Variants in ZFHX3 observed in about 807,000 individuals in gnomAD.
ZFHX3 encodes the protein zinc finger homeobox protein 3.
In ZFHX3, 42 loss-of-function variants were observed where a neutral mutation model predicts 279.1. That is an observed-to-expected ratio of 0.15 (90% CI 0.12 to 0.19). ZFHX3 has a LOEUF of 0.19. Ranked by LOEUF, ZFHX3 falls within the 10% of genes least tolerant of loss-of-function variation. ZFHX3 has a pLI of 1.00. For synonymous variants in ZFHX3, 2,293 were observed against 1,957.8 expected (o/e 1.17, Z -4.52); for missense variants, 4,981 against 4,754.0 (o/e 1.05, Z -1.40).
At chr16:73,606,543 C>T (rs796668653) in intron 2 of ZFHX3, among the ~76,000 whole-genome samples, 2 of 150,552 alleles carry the variant, frequency 1.3e-5, no homozygotes, top group Non-Finnish European at 3.0e-5. Flanking sequence ...GTGTATGGAA[C>T]CCCAGCTCAG....
At chr16:73,625,647 C>T (rs1486796429) in intron 2 of ZFHX3, among the ~76,000 whole-genome samples, 4 of 152,196 alleles carry the variant, frequency 2.6e-5, no homozygotes, top group Non-Finnish European at 4.4e-5. Flanking sequence ...AGCCTCATTA[C>T]TTAAAGTACA....
intron 3 of ZFHX3, among the ~76,000 whole-genome samples, chr16:73,375,374 G>C (rs959566998): frequency 3.3e-5 from 5 of 152,010 alleles, no homozygotes; most frequent in African/African-American, 1.2e-4. Context: ...CCTGAGATTT[G>C]AAACTAGCCA....
intron 3 of ZFHX3, among the ~76,000 whole-genome samples, chr16:73,388,594 C>T (rs1439446667): frequency 6.6e-6 from 1 of 152,178 alleles, no homozygotes; most frequent in Non-Finnish European, 1.5e-5. Context: ...AGCCAACCTG[C>T]CAGGCAGGCA....
At chr16:73,629,024 C>T (rs1342828507) in intron 2 of ZFHX3, among the ~76,000 whole-genome samples, 1 of 152,162 alleles carries the variant, frequency 6.6e-6, no homozygotes, top group Admixed American at 6.5e-5. Context: ...CAGCCCACAC[C>T]TGCTATCACA....
chr16:73,402,661 C>T (rs1460130339), intron 3 of ZFHX3, among the ~76,000 whole-genome samples: 1 of 152,184 alleles, frequency 6.6e-6, no homozygotes, highest in East Asian at 1.9e-4. Context: ...TATGAAACTG[C>T]TCACTCCTTA....
chr16:73,233,193 G>T (rs2012833634), intron 5 of ZFHX3: 1 of 151,870 alleles, frequency 6.6e-6, no homozygotes, highest in South Asian at 2.1e-4. Context: ...GCTCCGACGG[G>T]AATTGCTCGA....
chr16:73,253,608 C>T (rs58353543), intron 5 of ZFHX3, among the ~76,000 whole-genome samples: 2,271 of 104,126 alleles, frequency 0.022, 40 homozygotes, highest in African/African-American at 0.08. Flanking sequence ...CCTGCCACCA[C>T]GCCCGGCTAA....
intron 2 of ZFHX3, among the ~76,000 whole-genome samples, chr16:73,648,489 A>C (rs1202906951): frequency 6.6e-6 from 1 of 152,196 alleles, no homozygotes; most frequent in Non-Finnish European, 1.5e-5. Context: ...TCCTGGGTTC[A>C]AGTGATTCTC....
At chr16:73,837,848 C>T (rs1439773826) in intron 1 of ZFHX3, among the ~76,000 whole-genome samples, 1 of 152,170 alleles carries the variant, frequency 6.6e-6, no homozygotes, top group African/African-American at 2.4e-5. Flanking sequence ...GTTGGTCAGG[C>T]CGGTCTTGAA....
rs879457086 is a variant in ZFHX3 at position 73,754,681 on chromosome 16, T to A, written c.-1607-74441A>T. On this transcript the variant is annotated intron_variant, in intron 1 of 17. Transcript: ENST00000641206. The stretch of plus-strand genomic sequence containing the variant: ...ACCTTTACTTCCGACTAGCCTTGGA[T>A]TTATGAATCTGAATTGAGACAGGCT... 2.6e-5 allele frequency among the ~76,000 whole-genome samples: 4 copies of A among 152,212 alleles called. 1 individual carries two copies. The highest frequency in any genetic ancestry group is 2.6e-4 in the Admixed American group (4 of 15,282).
intron 5 of ZFHX3, among the ~76,000 whole-genome samples, chr16:73,178,083 C>T (rs1967705760): frequency 6.6e-6 from 1 of 152,182 alleles, no homozygotes; most frequent in Admixed American, 6.5e-5. Flanking sequence ...GCTTTGTCCT[C>T]TGAAGCAATG....
intron 1 of ZFHX3, among the ~76,000 whole-genome samples, chr16:73,834,631 G>A (rs976876148): frequency 1.1e-4 from 16 of 152,328 alleles, no homozygotes; most frequent in African/African-American, 2.9e-4. Context: ...GGTGGCTCAC[G>A]CCTGTAATCC....
chr16:73,060,515 T>C (rs544962811), upstream of ZFHX3: 2 of 150,646 alleles, frequency 1.3e-5, no homozygotes, highest in Non-Finnish European at 3.0e-5. Flanking sequence ...TCTCTCTCTC[T>C]CTCTCCCCCC....
At chr16:72,951,259 CT>C in intron 2 of ZFHX3, among the ~76,000 whole-genome samples, 1 of 151,918 alleles carries the variant, frequency 6.6e-6, no homozygotes, top group Admixed American at 6.6e-5. Flanking sequence ...TTAATATTTC[CT>C]TTTCTTTTTT....
chr16:73,513,831 G>T (rs539541525), intron 2 of ZFHX3, among the ~76,000 whole-genome samples: 2 of 152,116 alleles, frequency 1.3e-5, no homozygotes, highest in Non-Finnish European at 2.9e-5. Context: ...GCCCACCACA[G>T]AGAAGACGCT....
At chr16:73,802,136 C>G (rs1337442582) in intron 1 of ZFHX3, among the ~76,000 whole-genome samples, 2 of 152,028 alleles carry the variant, frequency 1.3e-5, no homozygotes, top group African/African-American at 4.8e-5. Context: ...TGTGCCTTAA[C>G]AATATGTTAG....
At chr16:72,813,750 G>A (rs1597266161) in intron 5 of ZFHX3, among the ~76,000 whole-genome samples, 1 of 152,098 alleles carries the variant, frequency 6.6e-6, no homozygotes, top group Non-Finnish European at 1.5e-5. Context: ...AATACATGAC[G>A]GCTGGATGTT....
At chr16:72,899,278 G>A (rs2038974354) in intron 3 of ZFHX3, among the ~76,000 whole-genome samples, 1 of 152,082 alleles carries the variant, frequency 6.6e-6, no homozygotes. Flanking sequence ...ACTGAATCAT[G>A]GGTGCAGTTA....
At chr16:72,831,756 A>G (rs561618949) in intron 4 of ZFHX3, among the ~76,000 whole-genome samples, 4 of 152,336 alleles carry the variant, frequency 2.6e-5, no homozygotes, top group South Asian at 4.1e-4. Flanking sequence ...ATATTATTGC[A>G]TTCGGTCTAC....
Sources: allele counts gnomAD v4.1 joint callset (sites outside exome capture counted in the v4.1 genomes callset), GRCh38; gene constraint gnomAD v4.1.1; transcripts MANE v1.5; gene names NCBI Gene and HGNC (gene_info 2026-07-23, HGNC 2026-07-21).